The following LINGO2 variants were observed in gnomAD, a reference collection of about 807,000 sequenced individuals.
LINGO2 encodes the protein leucine rich repeat and Ig domain containing 2.
In LINGO2, 14 loss-of-function variants were observed where a neutral mutation model predicts 30.6. That is an observed-to-expected ratio of 0.46 (90% CI 0.30 to 0.72). LINGO2 has a LOEUF of 0.72. LINGO2 is among the 30% of genes least tolerant of loss of function. LINGO2 has a pLI of 0.07. For synonymous variants in LINGO2, 317 were observed against 288.5 expected, an observed-to-expected ratio of 1.10 and a Z score of -1.00; for missense variants, 729 against 751.7, an observed-to-expected ratio of 0.97 and a Z score of 0.35.
intron 3 of LINGO2, among the ~76,000 whole-genome samples, chr9:28,327,999 C>A (rs2134330707): frequency 6.6e-6 from 1 of 152,262 alleles, no homozygotes; most frequent in South Asian, 2.1e-4. Context: ...GGGGCCCAGA[C>A]CCTCCTTTCA....
the LINGO2 span, among the ~76,000 whole-genome samples, chr9:29,000,951 G>A: frequency 6.6e-6 from 1 of 151,822 alleles, no homozygotes. Flanking sequence ...ATCAATTTAA[G>A]GAATAATATC....
chr9:28,500,747 C>T (rs1819850122), intron 1 of LINGO2, among the ~76,000 whole-genome samples: 1 of 151,792 alleles, frequency 6.6e-6, no homozygotes, highest in Non-Finnish European at 1.5e-5. Flanking sequence ...ACAGTATCCC[C>T]AAATGAGAAA....
At chr9:28,067,161 T>C (rs1172972258) in intron 4 of LINGO2, among the ~76,000 whole-genome samples, 3 of 152,192 alleles carry the variant, frequency 2.0e-5, no homozygotes, top group Admixed American at 2.0e-4. Context: ...CAAAATATTT[T>C]CACAGTAACA....
intron 1 of LINGO2, among the ~76,000 whole-genome samples, chr9:28,583,251 A>G (rs1244100959): frequency 3.3e-5 from 5 of 152,032 alleles, no homozygotes; most frequent in African/African-American, 7.2e-5. Flanking sequence ...CATTAGTTTC[A>G]TAGCTCCAAT....
the LINGO2 span, among the ~76,000 whole-genome samples, chr9:28,746,724 T>G: frequency 6.6e-6 from 1 of 152,018 alleles, no homozygotes. Flanking sequence ...CTCTGCATAG[T>G]GCCTGACATG....
At chr9:28,873,509 A>G in the LINGO2 span, among the ~76,000 whole-genome samples, 1 of 152,290 alleles carries the variant, frequency 6.6e-6, no homozygotes, top group African/African-American at 2.4e-5. Context: ...CCCAAAATTT[A>G]GAAGGCAGGA....
intron 5 of LINGO2, among the ~76,000 whole-genome samples, chr9:28,009,712 A>G (rs563012003): frequency 1.3e-5 from 2 of 152,348 alleles, no homozygotes; most frequent in Non-Finnish European, 2.9e-5. Context: ...GCAGATAGCA[A>G]CAAGTGTTGA....
intron 4 of LINGO2, among the ~76,000 whole-genome samples, chr9:28,277,839 AAAAAAAAAAAC>A (rs1279496574): frequency 2.3e-5 from 3 of 129,064 alleles, no homozygotes; most frequent in Non-Finnish European, 3.2e-5. Flanking sequence ...AAACAAAACA[AAAAAAAAAAAC>A]AAAAAAAAAA....
chr9:28,159,044 T>C lies in LINGO2; in HGVS notation c.-87+136164A>G, dbSNP rs576746397. Among the ~76,000 whole-genome samples, 5 of 152,322 alleles carry C rather than the reference T, an allele frequency of 3.3e-5. No homozygotes were observed. In the East Asian group the frequency reaches 9.6e-4, roughly 29 times the overall value. ...GACCTGTATACAAAAAGGCTAGATA[T>C]GAATGACTGCTAGATTCTTAGACAA... On this transcript the variant is annotated intron_variant, in intron 4 of 5. Coordinates refer to ENST00000379992, the Ensembl canonical transcript of LINGO2.
At chr9:29,201,407 T>C in the LINGO2 span, among the ~76,000 whole-genome samples, 1 of 152,040 alleles carries the variant, frequency 6.6e-6, no homozygotes, top group Non-Finnish European at 1.5e-5. Context: ...TAAAAATCAG[T>C]GCTTACTCAG....
At position 28,640,041 on chromosome 9, in the gene LINGO2, G is replaced by T. The variant is rs897204599; in HGVS notation, c.-365+30159C>A. ...GTGGTGACAAAATCTCTCAGCATTT[G>T]CTTGTCTGTAAAGGATTTTATTTCT... is the stretch of plus-strand genomic sequence containing the variant. On this transcript the variant is annotated intron_variant, in intron 1 of 5. Coordinates refer to ENST00000379992, the Ensembl canonical transcript of LINGO2. Among the ~76,000 whole-genome samples, 4 of 152,050 alleles carry T rather than the reference G, an allele frequency of 2.6e-5. 1 individual carries two copies. Among genetic ancestry groups the T allele is most frequent in the Admixed American group, 2.6e-4 (4 of 15,262 alleles).
At chr9:28,349,197 T>C (rs1188289063) in intron 3 of LINGO2, among the ~76,000 whole-genome samples, 7 of 152,098 alleles carry the variant, frequency 4.6e-5, no homozygotes, top group Admixed American at 2.6e-4. Flanking sequence ...GATCAAATTA[T>C]TCTGAGCTAC....
the LINGO2 span, among the ~76,000 whole-genome samples, chr9:28,953,183 A>T: frequency 6.6e-6 from 1 of 152,154 alleles, no homozygotes; most frequent in Non-Finnish European, 1.5e-5. Context: ...ATTGAATTGA[A>T]CATTTATCAT....
chr9:28,463,318 T>G (rs970181048), intron 2 of LINGO2, among the ~76,000 whole-genome samples: 3 of 151,986 alleles, frequency 2.0e-5, no homozygotes, highest in African/African-American at 7.2e-5. Flanking sequence ...TGAACTATAA[T>G]CGATTTTTTG....
At chr9:28,995,816 A>G in the LINGO2 span, among the ~76,000 whole-genome samples, 1 of 152,192 alleles carries the variant, frequency 6.6e-6, no homozygotes, top group South Asian at 2.1e-4. Context: ...TGGGAATTGA[A>G]CAATGAGAAC....
the LINGO2 span, among the ~76,000 whole-genome samples, chr9:29,026,557 CAG>C: frequency 4.6e-5 from 7 of 151,906 alleles, no homozygotes; most frequent in African/African-American, 1.7e-4. Flanking sequence ...GTAGAAAAAA[CAG>C]TATAGATATT....
intron 4 of LINGO2, among the ~76,000 whole-genome samples, chr9:28,173,764 T>C (rs1828666225): frequency 6.6e-6 from 1 of 152,240 alleles, no homozygotes; most frequent in East Asian, 1.9e-4. Context: ...GCCTTTAGCA[T>C]AGCATGTAAA....
intron 1 of LINGO2, among the ~76,000 whole-genome samples, chr9:28,507,807 G>A (rs1820214603): frequency 6.6e-6 from 1 of 151,970 alleles, no homozygotes; most frequent in Non-Finnish European, 1.5e-5. Context: ...TTTATAATGA[G>A]TTTCTCATAT....
chr9:28,242,498 T>C (rs1414553747), intron 4 of LINGO2, among the ~76,000 whole-genome samples: 2 of 152,130 alleles, frequency 1.3e-5, no homozygotes, highest in East Asian at 1.9e-4. Context: ...CAACGACTGA[T>C]TGGAGTACCT....
Sources: gnomAD v4.1 joint callset for allele counts (sites outside exome capture counted in the v4.1 genomes callset) on GRCh38, gnomAD v4.1.1 for gene constraint, MANE v1.5 for transcripts, NCBI Gene and HGNC (gene_info 2026-07-23, HGNC 2026-07-21) for gene names.